CD163L1: variants seen among roughly 807,000 people sequenced by gnomAD.
CD163L1 encodes scavenger receptor cysteine-rich type 1 protein M160.
A neutral mutation model predicts 165.4 loss-of-function variants in CD163L1; 124 were observed. That is an observed-to-expected ratio of 0.75 (90% CI 0.65 to 0.87). The LOEUF (loss-of-function observed/expected upper bound fraction) is 0.87, where lower values mean the gene tolerates loss of function less well. Ranked by LOEUF, CD163L1 falls within the 40% of genes least tolerant of loss-of-function variation. The pLI is 0.00. For missense variants in CD163L1, 1,525 were observed against 1,799.9 expected, an observed-to-expected ratio of 0.85 and a Z score of 2.76; for synonymous variants, 585 against 662.2, an observed-to-expected ratio of 0.88 and a Z score of 1.79.
chr12:7,388,389 T>C (rs558229897), intron 8 of CD163L1, among the ~76,000 whole-genome samples: 10 of 152,290 alleles, frequency 6.6e-5, no homozygotes, highest in African/African-American at 1.4e-4. Flanking sequence ...AGAGTGCTAA[T>C]ATCCAGAATA....
the CD163L1 span, among the ~76,000 whole-genome samples, chr12:7,332,154 A>G: frequency 2.0e-5 from 3 of 152,340 alleles, no homozygotes; most frequent in Non-Finnish European, 4.4e-5. Flanking sequence ...CTCAGTAGCC[A>G]ATACAATCAA....
intron 18 of CD163L1, among the ~76,000 whole-genome samples, chr12:7,365,667 C>A (rs1947001395): frequency 6.6e-6 from 1 of 151,952 alleles, no homozygotes; most frequent in Non-Finnish European, 1.5e-5. Flanking sequence ...AAATGCTCAA[C>A]AACACTAATA....
At chr12:7,325,436 C>T in the CD163L1 span, among the ~76,000 whole-genome samples, 1 of 152,200 alleles carries the variant, frequency 6.6e-6, no homozygotes, top group Admixed American at 6.5e-5. Flanking sequence ...CACTTGAGGT[C>T]AGGAGTTCGA....
At chr12:7,336,675 G>A in the CD163L1 span, among the ~76,000 whole-genome samples, 4 of 151,732 alleles carry the variant, frequency 2.6e-5, no homozygotes, top group Non-Finnish European at 5.9e-5. Context: ...AATTAAAAAA[G>A]AAAAAGAGGA....
chr12:7,397,063 T>C (rs1947793188), intron 7 of CD163L1, among the ~76,000 whole-genome samples: 1 of 152,168 alleles, frequency 6.6e-6, no homozygotes, highest in Admixed American at 6.5e-5. Context: ...AATGATTCTG[T>C]ATCCAGTAGT....
chr12:7,406,546 G>A lies in CD163L1; in HGVS notation c.1073C>T (p.Ser358Phe). 2 of 1,613,964 alleles carry A rather than the reference G, an allele frequency of 1.2e-6. No homozygotes were observed. Among genetic ancestry groups the A allele is most frequent in the Non-Finnish European group, 8.5e-7 (1 of 1,179,942 alleles). The part of the protein sequence containing the change: ...NFDCLHQNDV[S>F]VICSDGADLE... ...GTAAGTCTTACCTGAGCAGATCACA[G>A]ACACATCGTTTTGATGAAGACAGTC... is the stretch of plus-strand genomic sequence containing the variant. Residue 358 changes from serine to phenylalanine, a missense_variant, in exon 5 of 20, where the codon TCT becomes TTT. Ser to Phe is a radical substitution (Grantham distance 155). Coordinates refer to ENST00000313599, the MANE Select transcript of CD163L1 (RefSeq NM_174941.6).
At chr12:7,334,270 C>T in the CD163L1 span, among the ~76,000 whole-genome samples, 1 of 152,152 alleles carries the variant, frequency 6.6e-6, no homozygotes, top group African/African-American at 2.4e-5. Flanking sequence ...AATCCAGCAA[C>T]ACATCAAAAA....
At chr12:7,421,089 A>G (rs1339612196) in intron 4 of CD163L1, among the ~76,000 whole-genome samples, 37 of 112,712 alleles carry the variant, frequency 3.3e-4, no homozygotes, top group Admixed American at 6.1e-4. Flanking sequence ...ATATATACGT[A>G]TATATATGTA....
chr12:7,419,826 A>C (rs1409807009), intron 4 of CD163L1, among the ~76,000 whole-genome samples: 2 of 152,140 alleles, frequency 1.3e-5, no homozygotes, highest in Non-Finnish European at 2.9e-5. Context: ...CCACCAAAAT[A>C]TCTTCATCAT....
the CD163L1 span, among the ~76,000 whole-genome samples, chr12:7,332,113 G>A: frequency 8.5e-5 from 13 of 152,234 alleles, no homozygotes; most frequent in African/African-American, 1.7e-4. Flanking sequence ...TGAAAACCAC[G>A]GCATGAGAAC....
chr12:7,402,834 A>G (rs1229405295), intron 6 of CD163L1, among the ~76,000 whole-genome samples: 1 of 151,914 alleles, frequency 6.6e-6, no homozygotes, highest in African/African-American at 2.4e-5. Flanking sequence ...GAGTCTTGCT[A>G]TATTACCCAA....
chr12:7,407,818 CACACACACAT>C (rs1413403031), intron 4 of CD163L1, among the ~76,000 whole-genome samples: 46 of 150,096 alleles, frequency 3.1e-4, no homozygotes, highest in African/African-American at 1.2e-3. Flanking sequence ...GACACACACA[CACACACACAT>C]ACACACACAA....
At chr12:7,439,012 G>A (rs774106499) in intron 2 of CD163L1, 5 of 1,604,798 alleles carry the variant, frequency 3.1e-6, no homozygotes, top group Non-Finnish European at 4.2e-6. Flanking sequence ...TTTTCCTCCT[G>A]CCTCTGACAT....
At chr12:7,395,512 G>A (rs1947753865) in intron 8 of CD163L1, among the ~76,000 whole-genome samples, 1 of 152,156 alleles carries the variant, frequency 6.6e-6, no homozygotes, top group African/African-American at 2.4e-5. Context: ...GTTGATGGGT[G>A]CAGCAAACCA....
At chr12:7,420,734 T>C (rs979998200) in intron 4 of CD163L1, among the ~76,000 whole-genome samples, 6 of 151,876 alleles carry the variant, frequency 4.0e-5, no homozygotes, top group African/African-American at 1.5e-4. Context: ...GGGAAAACTT[T>C]TACACTGCTG....
chr12:7,350,296 A>T (rs757866691), downstream of CD163L1, among the ~76,000 whole-genome samples: 25 of 152,284 alleles, frequency 1.6e-4, no homozygotes, highest in African/African-American at 6.0e-4. Flanking sequence ...ATCACCCCTC[A>T]CATCTAAAGC....
Position 7,368,070 on chromosome 12 carries a change from C to T in CD163L1, c.4183+17G>A. On this transcript the variant is annotated intron_variant, in intron 17 of 19. Transcript: ENST00000313599. This position sits in a 1 kb window ranked among gnomAD's most constrained non-coding sequence, Gnocchi z 4.3. Reference sequence around the variant, plus strand: ...GCAGGTAACTCACATTTTATACAATCCTAGTGGGGCTCTCACCTCTGAGGG... The same window carrying T: ...GCAGGTAACTCACATTTTATACAATTCTAGTGGGGCTCTCACCTCTGAGGG... 2 of 1,446,104 alleles carry T rather than the reference C, an allele frequency of 1.4e-6. No individual in the cohort carries two copies. The highest frequency in any genetic ancestry group is 1.9e-6 in the Non-Finnish European group (2 of 1,027,316). The allele number at this position is 1,446,104 out of a possible 1,614,324, so 89.6% of individuals were successfully genotyped here. A position where few individuals can be genotyped will look rare whatever the true frequency, so the allele number is the denominator to read the frequency against.
At chr12:7,388,794 T>C (rs1441978895) in intron 8 of CD163L1, among the ~76,000 whole-genome samples, 1 of 149,792 alleles carries the variant, frequency 6.7e-6, no homozygotes. Flanking sequence ...AATAGACATG[T>C]ATCAAAATAA....
chr12:7,384,629 G>C (rs1947478042), intron 8 of CD163L1, among the ~76,000 whole-genome samples: 1 of 152,048 alleles, frequency 6.6e-6, no homozygotes, highest in African/African-American at 2.4e-5. Flanking sequence ...GGCCAGGAAA[G>C]AAAGGTATGG....
Sources: gnomAD v4.1 joint callset for allele counts (sites outside exome capture counted in the v4.1 genomes callset) on GRCh38, gnomAD v4.1.1 for gene constraint, Gnocchi (gnomAD v3.1) non-coding constraint, MANE v1.5 for transcripts, NCBI Gene and HGNC (gene_info 2026-07-23, HGNC 2026-07-21) for gene names.